The following ARHGEF10 variants were observed in gnomAD, a reference collection of about 807,000 sequenced individuals.
ARHGEF10 encodes Rho guanine nucleotide exchange factor (GEF) 10.
Under a neutral mutation model 147.4 loss-of-function variants are expected in ARHGEF10, and 140 were observed. That is an observed-to-expected ratio of 0.95 (90% CI 0.83 to 1.09). The LOEUF (loss-of-function observed/expected upper bound fraction) is 1.09, where lower values mean the gene tolerates loss of function less well. ARHGEF10 is among the 50% of genes least tolerant of loss of function. The pLI, the probability that ARHGEF10 is intolerant of heterozygous loss-of-function variation, is 0.00. For synonymous variants in ARHGEF10, 902 were observed against 695.8 expected, an observed-to-expected ratio of 1.30 and a Z score of -4.67; for missense variants, 2,222 against 1,752.7, an observed-to-expected ratio of 1.27 and a Z score of -4.78.
intron 11 of ARHGEF10, among the ~76,000 whole-genome samples, chr8:1,891,222 T>G (rs937905752): frequency 2.6e-5 from 4 of 152,198 alleles, no homozygotes; most frequent in Non-Finnish European, 5.9e-5. Flanking sequence ...GCTTTCTTTA[T>G]TGTAGTCATG....
At chr8:1,930,270 G>A (rs561796587) in intron 25 of ARHGEF10, among the ~76,000 whole-genome samples, 1 of 152,088 alleles carries the variant, frequency 6.6e-6, no homozygotes, top group East Asian at 1.9e-4. Context: ...CGGGAGCGAC[G>A]CCTTGGCGGG....
In ARHGEF10 at chr8:1,926,566, C is replaced by T. The variant is rs17064390; in HGVS notation, c.2697+103C>T. The T allele has an allele frequency of 0.096, 101,895 of 1,057,254 alleles. 5,571 individuals are homozygous for T. The highest frequency in any genetic ancestry group is 0.21 in the Admixed American group (11,753 of 55,432). 65.5% of individuals were successfully genotyped at this position (1,057,254 alleles called of 1,614,324 possible). On this transcript the variant is annotated intron_variant, in intron 23 of 28. Coordinates refer to ENST00000349830, the MANE Select transcript of ARHGEF10 (RefSeq NM_014629.4). Reference sequence around the variant, plus strand: ...TGTGAATTGCTCAGTAGAGAGTTGGCGGTGGCGTATCCCAGAGTGTACTTA... The same window carrying T: ...TGTGAATTGCTCAGTAGAGAGTTGGTGGTGGCGTATCCCAGAGTGTACTTA...
chr8:1,919,131 G>A (rs1185423300), intron 18 of ARHGEF10, among the ~76,000 whole-genome samples: 3 of 149,538 alleles, frequency 2.0e-5, no homozygotes, highest in Non-Finnish European at 4.4e-5. Flanking sequence ...GGGTGATGGA[G>A]CTGTTCCATG....
At chr8:1,877,354 A>C (rs932969338) in intron 8 of ARHGEF10, among the ~76,000 whole-genome samples, 1 of 152,002 alleles carries the variant, frequency 6.6e-6, no homozygotes. Context: ...CAGCCTCCCA[A>C]GTAGCTGGGA....
intron 27 of ARHGEF10, among the ~76,000 whole-genome samples, chr8:1,947,084 C>T (rs933609672): frequency 2.0e-5 from 3 of 152,252 alleles, no homozygotes; most frequent in Non-Finnish European, 2.9e-5. Context: ...CTTTGGAGCA[C>T]TCACTGCTAG....
intron 1 of ARHGEF10, among the ~76,000 whole-genome samples, chr8:1,838,896 G>T (rs936013226): frequency 1.3e-5 from 2 of 150,156 alleles, no homozygotes. Context: ...TGGAGTGGAA[G>T]GTGTTTGATG....
At chr8:1,913,511 A>G (rs1321999193) in intron 18 of ARHGEF10, among the ~76,000 whole-genome samples, 1 of 152,236 alleles carries the variant, frequency 6.6e-6, no homozygotes, top group Non-Finnish European at 1.5e-5. Flanking sequence ...GGTAAAAAGC[A>G]TCTGTGTTCC....
intron 8 of ARHGEF10, among the ~76,000 whole-genome samples, chr8:1,877,556 A>T (rs572897323): frequency 6.6e-6 from 1 of 151,946 alleles, no homozygotes; most frequent in Non-Finnish European, 1.5e-5. Context: ...GGGAATTTTT[A>T]TTTTACTTTT....
chr8:1,857,842 GA>G (rs1805674809), intron 2 of ARHGEF10, 117 bp from the exon 3 acceptor site: 1 of 949,278 alleles, frequency 1.1e-6, no homozygotes, highest in Non-Finnish European at 1.7e-6. Context: ...CAGCACAGAG[GA>G]ACTTAGTCAG....
intron 6 of ARHGEF10, 51 bp downstream of exon 6, chr8:1,866,653 G>T: frequency 6.4e-7 from 1 of 1,553,860 alleles, no homozygotes; most frequent in South Asian, 1.1e-5. Context: ...CTCCACAGAC[G>T]TCACTGCGGC....
At chr8:1,876,488 AT>A in intron 7 of ARHGEF10, 82 bp from the exon 8 acceptor site, 1 of 1,396,026 alleles carries the variant, frequency 7.2e-7, no homozygotes, top group Non-Finnish European at 1.0e-6. Context: ...GCTCTAGATG[AT>A]TTGGTAAAAC....
chr8:1,920,991 G>C (rs1053712334), intron 18 of ARHGEF10, among the ~76,000 whole-genome samples: 4 of 152,134 alleles, frequency 2.6e-5, no homozygotes, highest in African/African-American at 4.8e-5. Flanking sequence ...TCTCCATGTT[G>C]ATCAGGCTGG....
At position 1,903,261 on chromosome 8, in the gene ARHGEF10, C is replaced by A; in HGVS notation, c.1651-20C>A. 1 of 1,613,934 alleles carries A rather than the reference C, an allele frequency of 6.2e-7. No homozygotes were observed. Among genetic ancestry groups the A allele is most frequent in the South Asian group, 1.1e-5 (1 of 91,076 alleles). ...GAGTGTCCACGTGGTAACTGCCCAC[C>A]TCTCCCCTGTTGCTTGTAGGACATG... On this transcript the variant is annotated intron_variant, in intron 15 of 28. Coordinates refer to ENST00000349830, the MANE Select transcript of ARHGEF10 (RefSeq NM_014629.4).
intron 26 of ARHGEF10, among the ~76,000 whole-genome samples, chr8:1,939,153 T>G (rs1479654459): frequency 6.6e-6 from 1 of 152,248 alleles, no homozygotes; most frequent in Non-Finnish European, 1.5e-5. Context: ...TAGCCTGCTT[T>G]CTTTCAGACA....
At chr8:1,949,069 G>C (rs1190299211) in intron 27 of ARHGEF10, among the ~76,000 whole-genome samples, 1 of 152,006 alleles carries the variant, frequency 6.6e-6, no homozygotes, top group South Asian at 2.1e-4. Context: ...TTATCTTTTT[G>C]TGCTATTGCT....
intron 1 of ARHGEF10, among the ~76,000 whole-genome samples, chr8:1,830,458 T>G (rs527424585): frequency 6.6e-6 from 1 of 152,356 alleles, no homozygotes; most frequent in Admixed American, 6.5e-5. Context: ...ATGTGTTTTT[T>G]GAATCAAGTT....
intron 25 of ARHGEF10, 81 bp from the exon 26 acceptor site, chr8:1,933,719 T>A: frequency 6.5e-7 from 1 of 1,540,508 alleles, no homozygotes; most frequent in Admixed American, 1.7e-5. Context: ...TGTCAGTTAC[T>A]TAAAATGATG....
At chr8:1,849,864 C>G (rs565647286) in intron 2 of ARHGEF10, among the ~76,000 whole-genome samples, 1 of 139,486 alleles carries the variant, frequency 7.2e-6, no homozygotes, top group South Asian at 2.3e-4. Context: ...ACACAGACAG[C>G]AAATGCTGAG....
chr8:1,903,294 A>G lies in ARHGEF10; in HGVS notation c.1664A>G (p.Asn555Ser). The part of the protein sequence containing the change: ...FILLLQDMLK[N>S]TSKGHPDRLP... ...TGTTGCTTGTAGGACATGCTGAAGA[A>G]CACCTCCAAAGGCCACCCCGACAGG... The change falls in exon 16 of 29, where the codon AAC (asparagine) becomes AGC (serine). Residue 555 changes from asparagine (N) to serine (S), a missense_variant. Physicochemically the swap from Asn to Ser is conservative, Grantham distance 46 (BLOSUM62 1). Coordinates refer to ENST00000349830, the MANE Select transcript of ARHGEF10 (RefSeq NM_014629.4). 1 of 1,614,124 alleles carries G rather than the reference A, an allele frequency of 6.2e-7. No individual in the cohort carries two copies. The highest frequency in any genetic ancestry group is 8.5e-7 in the Non-Finnish European group (1 of 1,180,038).
Sources: allele counts gnomAD v4.1 joint callset (sites outside exome capture counted in the v4.1 genomes callset), GRCh38; gene constraint gnomAD v4.1.1; transcripts MANE v1.5; gene names NCBI Gene and HGNC (gene_info 2026-07-23, HGNC 2026-07-21).